The following AGAP1 variants were observed in gnomAD, a reference collection of about 807,000 sequenced individuals.
AGAP1 encodes the protein arf-GAP with GTPase, ANK repeat and PH domain-containing protein 1.
AGAP1 carries 29 observed loss-of-function variants against 105.3 expected under a neutral mutation model. The ratio of observed to expected loss-of-function variants is 0.28; its 90% CI spans 0.21 to 0.38. The LOEUF (loss-of-function observed/expected upper bound fraction) is 0.38, where lower values mean the gene tolerates loss of function less well. Ranked by LOEUF, AGAP1 falls within the 10% of genes least tolerant of loss-of-function variation. The pLI is 1.00. For missense variants in AGAP1, 998 were observed against 1,165.1 expected, an observed-to-expected ratio of 0.86 and a Z score of 2.09; for synonymous variants, 509 against 485.9, an observed-to-expected ratio of 1.05 and a Z score of -0.63.
At chr2:235,746,483 G>A (rs1952963455) in intron 5 of AGAP1, among the ~76,000 whole-genome samples, 1 of 144,886 alleles carries the variant, frequency 6.9e-6, no homozygotes, top group Non-Finnish European at 1.5e-5. Context: ...ACACAGAAGG[G>A]AGGAGGGATT....
chr2:235,937,916 T>A (rs2053068875), intron 12 of AGAP1, among the ~76,000 whole-genome samples: 3 of 152,216 alleles, frequency 2.0e-5, no homozygotes, highest in Admixed American at 2.0e-4. Flanking sequence ...CAATGAAAGT[T>A]TCGCTTCCTT....
intron 1 of AGAP1, among the ~76,000 whole-genome samples, chr2:235,643,814 A>G (rs1414653451): frequency 6.6e-6 from 1 of 152,080 alleles, no homozygotes; most frequent in Non-Finnish European, 1.5e-5. Flanking sequence ...TTGTGGGGGG[A>G]AAACAACCTA....
chr2:235,551,638 T>C lies in AGAP1; in HGVS notation c.163+56789T>C, dbSNP rs1943813306. Among the ~76,000 whole-genome samples, 1 of 152,242 alleles carries C rather than the reference T, an allele frequency of 6.6e-6. No individual in the cohort carries two copies. Among genetic ancestry groups the C allele is most frequent in the Non-Finnish European group, 1.5e-5 (1 of 68,048 alleles). On this transcript the variant is annotated intron_variant, in intron 1 of 17. Transcript: ENST00000304032. This position sits in a 1 kb window ranked among gnomAD's most constrained non-coding sequence, Gnocchi z 4.8. ...TCTAAGGACACTTTGTGAGACTAAT[T>C]AAAACGTTTTTCTTTCCAAGGCACG...
rs1951086313 is a variant in AGAP1, at chr2:235,716,040, G to T, written c.223-1517G>T. On this transcript the variant is annotated intron_variant, in intron 2 of 17. Transcript: ENST00000304032. The surrounding 1 kb of genome is among the most constrained non-coding windows in gnomAD (Gnocchi z 4.0). The stretch of plus-strand genomic sequence containing the variant: ...GGAGCTGGGGTGGACGGCGGCCAGG[G>T]GATGCGATTTGGGAATAGGCAGCTT... Among the ~76,000 whole-genome samples the T allele has an allele frequency of 6.6e-6, 1 of 152,190 alleles. No individual in the cohort carries two copies. The highest frequency in any genetic ancestry group is 1.5e-5 in the Non-Finnish European group (1 of 68,038).
At chr2:235,545,589 C>G (rs1273277474) in intron 1 of AGAP1, among the ~76,000 whole-genome samples, 1 of 152,226 alleles carries the variant, frequency 6.6e-6, no homozygotes, top group Non-Finnish European at 1.5e-5. Flanking sequence ...TCTGAAGACA[C>G]TGGCCCGTGG....
rs943667385 is a variant in AGAP1, at chr2:235,976,363, A to T, written c.1645+7740A>T. On this transcript the variant is annotated intron_variant, in intron 13 of 17. Coordinates refer to ENST00000304032, the MANE Select transcript of AGAP1 (RefSeq NM_001037131.3). This position sits in a 1 kb window ranked among gnomAD's most constrained non-coding sequence, Gnocchi z 4.5. ...ACTCAAAAGCCATCCTGCAGGGTAC[A>T]GTCCGGCCGCCACAAACACACACAA... 5.3e-5 allele frequency among the ~76,000 whole-genome samples: 8 copies of T among 152,262 alleles called. No homozygotes were observed. Among genetic ancestry groups the T allele is most frequent in the Admixed American group, 3.3e-4 (5 of 15,290 alleles).
At position 235,882,909 on chromosome 2, in the gene AGAP1, C is replaced by A. The variant is rs956924417; in HGVS notation, c.1051-436C>A. On this transcript the variant is annotated intron_variant, in intron 9 of 17. Coordinates refer to ENST00000304032, the MANE Select transcript of AGAP1 (RefSeq NM_001037131.3). The surrounding 1 kb of genome is among the most constrained non-coding windows in gnomAD (Gnocchi z 4.6). Reference sequence around the variant, plus strand: ...CTCACTGCCACCTCAACCTCCTGGGCTCAAGAGATCCTCCCACCTCAACCC... The same window carrying A: ...CTCACTGCCACCTCAACCTCCTGGGATCAAGAGATCCTCCCACCTCAACCC... 6.6e-6 allele frequency among the ~76,000 whole-genome samples: 1 copy of A among 152,028 alleles called. No homozygotes were observed. Among genetic ancestry groups the A allele is most frequent in the Non-Finnish European group, 1.5e-5 (1 of 67,998 alleles).
At chr2:235,505,791 G>A (rs1941777153) in intron 1 of AGAP1, 1 of 152,154 alleles carries the variant, frequency 6.6e-6, no homozygotes, top group African/African-American at 2.4e-5. Flanking sequence ...TTCAGCCTGG[G>A]AAGAGCGGGG....
intron 1 of AGAP1, among the ~76,000 whole-genome samples, chr2:235,503,153 G>A (rs1377852707): frequency 2.6e-5 from 4 of 152,196 alleles, no homozygotes; most frequent in Admixed American, 6.5e-5. Flanking sequence ...AGCAGGATTG[G>A]TATTGTCGGA....
intron 10 of AGAP1, among the ~76,000 whole-genome samples, chr2:235,894,186 G>C (rs546015810): frequency 6.6e-6 from 1 of 152,314 alleles, no homozygotes; most frequent in African/African-American, 2.4e-5. Context: ...AATGCTTTTG[G>C]AAACAATATG....
chr2:235,895,750 A>G (rs67364811), intron 10 of AGAP1, among the ~76,000 whole-genome samples: 24,845 of 82,922 alleles, frequency 0.3, 2,234 homozygotes, highest in East Asian at 0.43. Flanking sequence ...TGGATGGATG[A>G]ATGGAGGCAC....
intron 9 of AGAP1, among the ~76,000 whole-genome samples, chr2:235,838,131 A>G (rs1960382859): frequency 6.6e-6 from 1 of 152,214 alleles, no homozygotes; most frequent in Non-Finnish European, 1.5e-5. Flanking sequence ...GGTTGCAGCG[A>G]GCAGAGATTG....
chr2:236,072,434 A>AC, intron 16 of AGAP1: 1 of 145,424 alleles, frequency 6.9e-6, no homozygotes, highest in East Asian at 2.0e-4. Context: ...ACAGAGCAAG[A>AC]CTCTGTCTCA....
intron 10 of AGAP1, among the ~76,000 whole-genome samples, chr2:235,903,546 G>A (rs1267438211): frequency 1.3e-5 from 2 of 152,178 alleles, no homozygotes; most frequent in Non-Finnish European, 2.9e-5. Context: ...AATCAATATA[G>A]TAAGGGTATT....
At chr2:235,999,503 AG>A (rs2055995417) in intron 13 of AGAP1, among the ~76,000 whole-genome samples, 4 of 90,702 alleles carry the variant, frequency 4.4e-5, no homozygotes, top group Non-Finnish European at 6.8e-5. Flanking sequence ...TGGTGGTGGT[AG>A]TGGTGATGGT....
intron 1 of AGAP1, among the ~76,000 whole-genome samples, chr2:235,511,187 A>G (rs1323489411): frequency 6.6e-6 from 1 of 151,904 alleles, no homozygotes; most frequent in Non-Finnish European, 1.5e-5. Context: ...CGTCATCCCG[A>G]GACTGAGAGC....
intron 11 of AGAP1, among the ~76,000 whole-genome samples, chr2:235,917,187 C>A (rs114529884): frequency 2.0e-5 from 3 of 151,984 alleles, no homozygotes; most frequent in African/African-American, 7.2e-5. Flanking sequence ...CTACTTGAGG[C>A]CCCCAGCGGT....
chr2:235,741,554 A>G lies in AGAP1; in HGVS notation c.396+506A>G, dbSNP rs1952585327. Among the ~76,000 whole-genome samples the G allele has an allele frequency of 6.6e-6, 1 of 152,208 alleles. No individual in the cohort carries two copies. Among genetic ancestry groups the G allele is most frequent in the African/African-American group, 2.4e-5 (1 of 41,458 alleles). On this transcript the variant is annotated intron_variant, in intron 4 of 17. Coordinates refer to ENST00000304032, the MANE Select transcript of AGAP1 (RefSeq NM_001037131.3). This position sits in a 1 kb window ranked among gnomAD's most constrained non-coding sequence, Gnocchi z 4.9. ...TCTCCACCGAAAGCCGGTATGAAGCATATTATGATTTCTTTGGAAGTTCCT... is the reference window on the plus strand; with the variant it reads ...TCTCCACCGAAAGCCGGTATGAAGCGTATTATGATTTCTTTGGAAGTTCCT...
At position 235,751,031 on chromosome 2, in the gene AGAP1, T is replaced by C. The variant is rs781201344; in HGVS notation, c.673+543T>C. Reference sequence around the variant, plus strand: ...AATTGTTTTTAGGTTATTTTATTCATTATTGATCACCTACCTTCAGGAACA... The same window carrying C: ...AATTGTTTTTAGGTTATTTTATTCACTATTGATCACCTACCTTCAGGAACA... On this transcript the variant is annotated intron_variant, in intron 6 of 17. Transcript: ENST00000304032. The surrounding 1 kb of genome is among the most constrained non-coding windows in gnomAD (Gnocchi z 5.3). 1.3e-5 allele frequency among the ~76,000 whole-genome samples: 2 copies of C among 152,154 alleles called. No individual in the cohort carries two copies. The highest frequency in any genetic ancestry group is 2.9e-5 in the Non-Finnish European group (2 of 68,026).
Sources: gnomAD v4.1 joint callset for allele counts (sites outside exome capture counted in the v4.1 genomes callset) on GRCh38, gnomAD v4.1.1 for gene constraint, Gnocchi (gnomAD v3.1) non-coding constraint, MANE v1.5 for transcripts, NCBI Gene and HGNC (gene_info 2026-07-23, HGNC 2026-07-21) for gene names.